ESR1: variants seen among roughly 807,000 people sequenced by gnomAD.
ESR1 encodes estrogen receptor.
Under a neutral mutation model 52.7 loss-of-function variants are expected in ESR1, and 12 were observed. That is an observed-to-expected ratio of 0.23 (90% confidence interval 0.15 to 0.37). The LOEUF (loss-of-function observed/expected upper bound fraction) is 0.37. ESR1 is among the 10% of genes least tolerant of loss of function. The pLI, the probability that ESR1 is intolerant of heterozygous loss-of-function variation, is 1.00. For synonymous variants in ESR1, 305 were observed against 316.8 expected (o/e 0.96, Z 0.39); for missense variants, 584 against 779.7 (o/e 0.75, Z 2.99).
chr6:152,087,355 C>T (rs1362535851), intron 6 of ESR1, among the ~76,000 whole-genome samples: 2 of 152,104 alleles, frequency 1.3e-5, no homozygotes, highest in Admixed American at 6.5e-5. Context: ...GTCTTTATTC[C>T]TCTTTATACA....
intron 1 of ESR1, among the ~76,000 whole-genome samples, chr6:151,821,299 A>G (rs779061507): frequency 4.7e-4 from 71 of 152,272 alleles, no homozygotes; most frequent in African/African-American, 1.5e-3. Context: ...TCACTACAAC[A>G]TTATAATGAT....
intron 6 of ESR1, among the ~76,000 whole-genome samples, chr6:152,109,701 A>G (rs962782343): frequency 1.3e-5 from 2 of 152,194 alleles, no homozygotes; most frequent in Admixed American, 1.3e-4. Context: ...GATAACAACA[A>G]CAACAAAAAC....
At chr6:152,082,153 C>A (rs1219211969) in intron 6 of ESR1, among the ~76,000 whole-genome samples, 4 of 151,958 alleles carry the variant, frequency 2.6e-5, no homozygotes, top group African/African-American at 9.7e-5. Flanking sequence ...GGCAGAGACA[C>A]AACAAAAAAA....
At chr6:151,734,413 C>G (rs1418827017) in intron 2 of ESR1, among the ~76,000 whole-genome samples, 2 of 152,090 alleles carry the variant, frequency 1.3e-5, no homozygotes. Flanking sequence ...AATGCTGGGT[C>G]TTGGCCACCT....
At chr6:151,722,497 G>A (rs1235652503) in intron 2 of ESR1, among the ~76,000 whole-genome samples, 1 of 152,214 alleles carries the variant, frequency 6.6e-6, no homozygotes. Flanking sequence ...TTGTCCTTGT[G>A]TGGGAAAGCT....
chr6:151,980,699 T>A (rs2039907792), intron 4 of ESR1, among the ~76,000 whole-genome samples: 1 of 152,106 alleles, frequency 6.6e-6, no homozygotes, highest in Non-Finnish European at 1.5e-5. Context: ...ACCAGAGCCA[T>A]CTGAAGTTTG....
chr6:151,928,703 T>C (rs1240287793), intron 3 of ESR1, among the ~76,000 whole-genome samples: 2 of 152,162 alleles, frequency 1.3e-5, no homozygotes, highest in South Asian at 2.1e-4. Context: ...CTTAATGCTA[T>C]GAATTTTTCT....
intron 4 of ESR1, among the ~76,000 whole-genome samples, chr6:151,993,227 A>G (rs1248357060): frequency 2.0e-5 from 3 of 152,172 alleles, no homozygotes; most frequent in African/African-American, 7.2e-5. Context: ...CTGCCAATCT[A>G]TAAAGGAGAA....
chr6:152,004,443 G>A (rs1188326321), intron 4 of ESR1, among the ~76,000 whole-genome samples: 1 of 151,872 alleles, frequency 6.6e-6, no homozygotes, highest in African/African-American at 2.4e-5. Flanking sequence ...TCGTATTTAA[G>A]GTCTTGGTAA....
chr6:151,888,826 G>A (rs9340858), intron 3 of ESR1, among the ~76,000 whole-genome samples: 2,008 of 151,932 alleles, frequency 0.013, 21 homozygotes, highest in Non-Finnish European at 0.018. Flanking sequence ...GGCCTTTATT[G>A]TGTTGAGGTA....
intron 2 of ESR1, among the ~76,000 whole-genome samples, chr6:151,742,512 C>T (rs1426534650): frequency 2.6e-5 from 4 of 152,158 alleles, no homozygotes; most frequent in African/African-American, 2.4e-5. Flanking sequence ...CAGTTACCAG[C>T]GCTAACTCTG....
intron 2 of ESR1, among the ~76,000 whole-genome samples, chr6:151,865,962 A>T (rs1789825874): frequency 6.6e-6 from 1 of 152,226 alleles, no homozygotes; most frequent in Admixed American, 6.5e-5. Context: ...TATCTGAGAT[A>T]ACTCTCCTGC....
At chr6:151,939,171 C>T (rs534324919) in intron 3 of ESR1, among the ~76,000 whole-genome samples, 11 of 152,236 alleles carry the variant, frequency 7.2e-5, no homozygotes, top group Non-Finnish European at 1.6e-4. Context: ...GCATTCCAAG[C>T]CAACATGTTG....
rs780342753 is a variant in ESR1 at position 152,098,935 on chromosome 6, G to A, written c.1757G>A (p.Gly586Glu). The A allele has an allele frequency of 2.5e-6, 4 of 1,614,188 alleles. No homozygotes were observed. Among genetic ancestry groups the A allele is most frequent in the Admixed American group, 3.3e-5 (2 of 60,028 alleles). The part of the protein sequence containing the change: ...SHSLQKYYIT[G>E]EAEGFPATV ...TCCTTGCAAAAGTATTACATCACGG[G>A]GGAGGCAGAGGGTTTCCCTGCCACG... Residue 586 changes from glycine (G) to glutamate (E), a missense_variant, in exon 8 of 8, where the codon GGG becomes GAG. By Grantham distance (98) the Gly-to-Glu change is moderately conservative. Coordinates refer to ENST00000206249, the MANE Select transcript of ESR1 (RefSeq NM_000125.4). The surrounding 1 kb of genome is among the most constrained non-coding windows in gnomAD (Gnocchi z 5.1).
chr6:151,869,886 G>A (rs913964353), intron 2 of ESR1, among the ~76,000 whole-genome samples: 1 of 152,172 alleles, frequency 6.6e-6, no homozygotes, highest in Non-Finnish European at 1.5e-5. Flanking sequence ...CTGACTAGCT[G>A]TAAAAATATA....
intron 1 of ESR1, among the ~76,000 whole-genome samples, chr6:151,830,916 A>T (rs924517348): frequency 6.6e-6 from 1 of 152,138 alleles, no homozygotes; most frequent in Non-Finnish European, 1.5e-5. Context: ...TTAATGATGC[A>T]TCATTTTCTA....
At chr6:151,847,295 CA>C (rs1785307059) in intron 2 of ESR1, among the ~76,000 whole-genome samples, 1 of 152,192 alleles carries the variant, frequency 6.6e-6, no homozygotes, top group African/African-American at 2.4e-5. Flanking sequence ...GGCCGGTAAG[CA>C]GGCACTTATT....
chr6:151,747,229 G>A (rs1999805), intron 2 of ESR1, among the ~76,000 whole-genome samples: 82,742 of 152,040 alleles, frequency 0.54, 23,056 homozygotes, highest in Non-Finnish European at 0.58. Flanking sequence ...CTTAGATTGT[G>A]AATGCTGAGG....
intron 4 of ESR1, among the ~76,000 whole-genome samples, chr6:151,947,657 T>A (rs2035855352): frequency 6.6e-6 from 1 of 152,214 alleles, no homozygotes; most frequent in Non-Finnish European, 1.5e-5. Flanking sequence ...TTTTTTGACT[T>A]GATATGTTTC....
Sources: gnomAD v4.1 joint callset for allele counts (sites outside exome capture counted in the v4.1 genomes callset) on GRCh38, gnomAD v4.1.1 for gene constraint, Gnocchi (gnomAD v3.1) non-coding constraint, MANE v1.5 for transcripts, NCBI Gene and HGNC (gene_info 2026-07-23, HGNC 2026-07-21) for gene names.